Variants in MEF2D observed in about 807,000 individuals in gnomAD.
MEF2D encodes the protein myocyte enhancer factor 2D.
Under a neutral mutation model 59.3 loss-of-function variants are expected in MEF2D, and 10 were observed. The ratio of observed to expected loss-of-function variants is 0.17; its 90% CI spans 0.10 to 0.29. The LOEUF is 0.29. MEF2D is among the 10% of genes least tolerant of loss of function. MEF2D has a pLI of 1.00. For missense variants in MEF2D, 508 were observed against 699.4 expected, an observed-to-expected ratio of 0.73 and a Z score of 3.09; for synonymous variants, 305 against 295.0, an observed-to-expected ratio of 1.03 and a Z score of -0.35.
intron 3 of MEF2D, among the ~76,000 whole-genome samples, 159 bp downstream of exon 3, chr1:156,482,275 CAGA>C (rs1480802084): frequency 6.6e-6 from 1 of 152,204 alleles, no homozygotes; most frequent in Non-Finnish European, 1.5e-5. Flanking sequence ...GTTTGTATGA[CAGA>C]AGGAGGGTTT....
At chr1:156,483,680 T>C (rs987600333) in intron 1 of MEF2D, among the ~76,000 whole-genome samples, 2 of 152,220 alleles carry the variant, frequency 1.3e-5, no homozygotes, top group Admixed American at 6.5e-5. Context: ...ACAGAGTAAA[T>C]GGACCTCCTG....
Position 156,475,102 on chromosome 1 carries a change from A to G in MEF2D, c.1006+6T>C, listed in dbSNP as rs778705140. 4 of 1,614,092 alleles carry G rather than the reference A, an allele frequency of 2.5e-6. No individual in the cohort carries two copies. The highest frequency in any genetic ancestry group is 2.2e-5 in the South Asian group (2 of 91,086). On this transcript the variant is annotated splice_donor_region_variant and intron_variant, in intron 9 of 11. Coordinates refer to ENST00000348159, the MANE Select transcript of MEF2D (RefSeq NM_005920.4). ...GCACACATGCACATGTCACATGAACACTCACCTGTGTTGTAGGCAGTGGGC... is the reference window on the plus strand; with the variant it reads ...GCACACATGCACATGTCACATGAACGCTCACCTGTGTTGTAGGCAGTGGGC...
rs561682290 is a variant in MEF2D at position 156,475,167 on chromosome 1, G to A, written c.947C>T (p.Thr316Met). 6 of 1,614,222 alleles carry A rather than the reference G, an allele frequency of 3.7e-6. No homozygotes were observed. Among genetic ancestry groups the A allele is most frequent in the Non-Finnish European group, 3.4e-6 (4 of 1,180,034 alleles). The part of the protein sequence containing the change: ...SLTTPVVSVA[T>M]PSLLSQGLPF... The stretch of plus-strand genomic sequence containing the variant: ...GAGGCCCTGGCTGAGTAAACTCGGC[G>A]TTGCCACAGAAACCACTGGGGTGGT... Residue 316 changes from threonine (T) to methionine (M), a missense_variant, in exon 9 of 12, where the codon ACG (threonine) becomes ATG (methionine). By Grantham distance (81) the Thr-to-Met change is moderately conservative. Coordinates refer to ENST00000348159, the MANE Select transcript of MEF2D (RefSeq NM_005920.4).
At chr1:156,479,552 TCCACCTCAC>T in intron 5 of MEF2D, 25 bp downstream of exon 5, 2 of 1,548,230 alleles carry the variant, frequency 1.3e-6, no homozygotes, top group Non-Finnish European at 1.7e-6. Flanking sequence ...ACATCTCATT[TCCACCTCAC>T]CTACCCACCT....
At position 156,467,569 on chromosome 1, in the gene MEF2D, C is replaced by G; in HGVS notation, c.*76G>C. On this transcript the variant is annotated 3_prime_UTR_variant, in exon 12 of 12. Transcript: ENST00000348159. Reference sequence around the variant, plus strand: ...GGAAGTGGGGGTCGAGCGGGAGGAGCCCGGGGCAGGGAAGGGCGGGCGGTG... The same window carrying G: ...GGAAGTGGGGGTCGAGCGGGAGGAGGCCGGGGCAGGGAAGGGCGGGCGGTG... 1 of 1,242,688 alleles carries G rather than the reference C, an allele frequency of 8.0e-7. No homozygotes were observed. Among genetic ancestry groups the G allele is most frequent in the Admixed American group, 3.0e-5 (1 of 32,892 alleles). The allele number at this position is 1,242,688 out of a possible 1,614,324, so 77.0% of individuals were successfully genotyped here.
rs761957209 is a variant in MEF2D at position 156,468,899 on chromosome 1, T to TGGCTGCTGCGGCTGCTGG, written c.1110_1127dup (p.Gln372_Gln377dup). 1 of 1,613,420 alleles carries TGGCTGCTGCGGCTGCTGG rather than the reference T, an allele frequency of 6.2e-7. No homozygotes were observed. The highest frequency in any genetic ancestry group is 2.2e-5 in the East Asian group (1 of 44,888). On this transcript the variant is annotated inframe_insertion, in exon 10 of 12. Transcript: ENST00000348159. This position sits in a 1 kb window ranked among gnomAD's most constrained non-coding sequence, Gnocchi z 4.3. ...GCGGTGGCTGCTGCTGTGGAGGCTG[T>TGGCTGCTGCGGCTGCTGG]GGCTGCTGCGGCTGCTGGGGCTGCT... is the stretch of plus-strand genomic sequence containing the variant.
At chr1:156,479,491 T>C (rs1671841453) in intron 5 of MEF2D, 95 bp downstream of exon 5, 2 of 1,502,086 alleles carry the variant, frequency 1.3e-6, no homozygotes, top group South Asian at 1.2e-5. Context: ...AATGCTGTGG[T>C]GGGTGAAGAG....
intron 9 of MEF2D, among the ~76,000 whole-genome samples, chr1:156,469,944 CAG>C (rs1251756312): frequency 1.3e-5 from 2 of 152,066 alleles, no homozygotes; most frequent in Non-Finnish European, 2.9e-5. Context: ...AAGATGGAAA[CAG>C]ATAAGTAGAG....
rs1672150451 is a variant in MEF2D, at chr1:156,483,379, T to A, written c.-87A>T. 4 of 1,282,538 alleles carry A rather than the reference T, an allele frequency of 3.1e-6. No individual in the cohort carries two copies. The African/African-American group carries it at 4.4e-5, about 14-fold the overall frequency. 79.4% of individuals were successfully genotyped at this position (1,282,538 alleles called of 1,614,324 possible). On this transcript the variant is annotated 5_prime_UTR_variant, in exon 2 of 12. Coordinates refer to ENST00000348159, the MANE Select transcript of MEF2D (RefSeq NM_005920.4). ...CACCTTACACTGTGCTCATGAACGG[T>A]CTGGGAACAGTGCTCAGTTCATGGT...
chr1:156,485,456 T>C (rs1168755905), intron 1 of MEF2D, among the ~76,000 whole-genome samples: 1 of 151,794 alleles, frequency 6.6e-6, no homozygotes, highest in African/African-American at 2.4e-5. Context: ...TTTGCCTGGA[T>C]ATCTACAGAA....
rs1200697674 is a variant in MEF2D at position 156,467,041 on chromosome 1, G to T, written c.*604C>A. ...GAATCAGCGCAGGTGTGGCACGTGT[G>T]TGTGCAGGGGCATTTGGGGGCCAGG... On this transcript the variant is annotated 3_prime_UTR_variant, in exon 12 of 12. Coordinates refer to ENST00000348159, the MANE Select transcript of MEF2D (RefSeq NM_005920.4). 2 of 152,658 alleles carry T rather than the reference G, an allele frequency of 1.3e-5. No homozygotes were observed. Among genetic ancestry groups the T allele is most frequent in the Non-Finnish European group, 2.9e-5 (2 of 68,100 alleles). The allele number at this position is 152,658 out of a possible 1,614,324, so 9.5% of individuals were successfully genotyped here.
At position 156,465,332 on chromosome 1, in the gene MEF2D, G is replaced by A. The variant is rs147783896; in HGVS notation, c.*2313C>T. ...GTGACTAAGTGGACATATGTGGGTG[G>A]AAGCAGAGGTCCCTGGAGGGAGAGA... is the stretch of plus-strand genomic sequence containing the variant. On this transcript the variant is annotated 3_prime_UTR_variant, in exon 12 of 12. Coordinates refer to ENST00000348159, the MANE Select transcript of MEF2D (RefSeq NM_005920.4). The A allele has an allele frequency of 6.6e-6, 1 of 152,548 alleles. No individual in the cohort carries two copies. Among genetic ancestry groups the A allele is most frequent in the Non-Finnish European group, 1.5e-5 (1 of 68,216 alleles). 9.4% of individuals were successfully genotyped at this position (152,548 alleles called of 1,614,324 possible).
At chr1:156,492,838 A>G (rs1672893357) in intron 1 of MEF2D, among the ~76,000 whole-genome samples, 1 of 152,154 alleles carries the variant, frequency 6.6e-6, no homozygotes, top group African/African-American at 2.4e-5. Context: ...GAGCCGTTGG[A>G]ATGAGCATAA....
At position 156,476,843 on chromosome 1, in the gene MEF2D, A is replaced by T. The variant is rs1278431618; in HGVS notation, c.855+169T>A. 1.0e-5 allele frequency: 8 copies of T among 799,806 alleles called. No individual in the cohort carries two copies. In the Admixed American group the frequency reaches 1.4e-4, roughly 14 times the overall value. The allele number at this position is 799,806 out of a possible 1,614,324, so 49.5% of individuals were successfully genotyped here. On this transcript the variant is annotated intron_variant, in intron 7 of 11. Coordinates refer to ENST00000348159, the MANE Select transcript of MEF2D (RefSeq NM_005920.4). ...GTACTTCTTGTGCTGCAACCTCTTA[A>T]AAGGCCCTCTGGGAAGAAAAATCTC...
At chr1:156,498,101 TAAA>T (rs5777987) in intron 1 of MEF2D, among the ~76,000 whole-genome samples, 2 of 56,038 alleles carry the variant, frequency 3.6e-5, no homozygotes, top group Non-Finnish European at 3.1e-5. Flanking sequence ...CAGGAAAGAT[TAAA>T]AAAAAAAAAA....
chr1:156,488,980 C>G (rs771214297), intron 1 of MEF2D, among the ~76,000 whole-genome samples: 2 of 152,142 alleles, frequency 1.3e-5, no homozygotes, highest in Non-Finnish European at 2.9e-5. Flanking sequence ...CCTAGTGGTC[C>G]CAAGGCTCAA....
Position 156,465,249 on chromosome 1 carries a change from C to G in MEF2D, c.*2396G>C, listed in dbSNP as rs180830950. On this transcript the variant is annotated 3_prime_UTR_variant, in exon 12 of 12. Coordinates refer to ENST00000348159, the MANE Select transcript of MEF2D (RefSeq NM_005920.4). ...GAGGAAGAGGGACTTGAGTTTTGCT[C>G]TGAAAGCAGGTCTGGGGTTGGGGGA... The G allele has an allele frequency of 3.3e-5, 5 of 152,578 alleles. No homozygotes were observed. In the East Asian group the frequency reaches 9.7e-4, roughly 29 times the overall value. The allele number at this position is 152,578 out of a possible 1,614,324, so 9.5% of individuals were successfully genotyped here. A position where few individuals can be genotyped will look rare whatever the true frequency, so the allele number is the denominator to read the frequency against.
chr1:156,468,141 C>T lies in MEF2D; in HGVS notation c.1406G>A (p.Gly469Asp), dbSNP rs1291234993. 2 of 1,613,940 alleles carry T rather than the reference C, an allele frequency of 1.2e-6. No homozygotes were observed. The change falls in exon 11 of 12, where the codon GGT becomes GAT. Residue 469 changes from glycine to aspartate, a missense_variant. Coordinates refer to ENST00000348159, the MANE Select transcript of MEF2D (RefSeq NM_005920.4). This position sits in a 1 kb window ranked among gnomAD's most constrained non-coding sequence, Gnocchi z 4.3. ...FPAARPEPGD[G>D]LSSPAGGSYE... ...GGATCCCCCGGCTGGGCTGCTGAGA[C>T]CATCGCCAGGCTCAGGGCGGGCAGC...
intron 1 of MEF2D, among the ~76,000 whole-genome samples, chr1:156,499,207 C>G (rs1673326746): frequency 6.6e-6 from 1 of 152,152 alleles, no homozygotes; most frequent in African/African-American, 2.4e-5. Flanking sequence ...AGGCTGGACC[C>G]TGAATTGCTG....
Sources: gnomAD v4.1 joint callset for allele counts (sites outside exome capture counted in the v4.1 genomes callset) on GRCh38, gnomAD v4.1.1 for gene constraint, Gnocchi (gnomAD v3.1) non-coding constraint, MANE v1.5 for transcripts, NCBI Gene and HGNC (gene_info 2026-07-23, HGNC 2026-07-21) for gene names.